Variants in FAM78A observed in about 807,000 individuals in gnomAD.
The protein encoded by FAM78A is protein FAM78A.
A neutral mutation model predicts 22.6 loss-of-function variants in FAM78A; 12 were observed. The observed-to-expected ratio is 0.53, with a 90% CI of 0.34 to 0.86. The LOEUF (loss-of-function observed/expected upper bound fraction) is 0.86, where lower values mean the gene tolerates loss of function less well. Among genes scored for constraint, FAM78A ranks in the 40% least tolerant of loss-of-function variants. The pLI is 0.02. For synonymous variants in FAM78A, 151 were observed against 155.8 expected (o/e 0.97, Z 0.23); for missense variants, 322 against 396.1 (o/e 0.81, Z 1.59).
Position 131,275,236 on chromosome 9 carries a change from A to G in FAM78A, c.323+621T>C, listed in dbSNP as rs2131197161. On this transcript the variant is annotated intron_variant, in intron 1 of 1. Transcript: ENST00000372271. This position sits in a 1 kb window ranked among gnomAD's most constrained non-coding sequence, Gnocchi z 4.6. ...GAGGGACACTGGACTTGTCTGCATA[A>G]AGCGGTCTTCTGCCTTGGAGACAGA... Among the ~76,000 whole-genome samples the G allele has an allele frequency of 6.6e-6, 1 of 152,324 alleles. No homozygotes were observed. The highest frequency in any genetic ancestry group is 2.1e-4 in the South Asian group (1 of 4,820).
chr9:131,270,562 T>C, intron 1 of FAM78A: 1 of 712,682 alleles, frequency 1.4e-6, no homozygotes, highest in East Asian at 2.7e-5. Flanking sequence ...GGCTGGGTCA[T>C]CCCCCCTACT....
chr9:131,258,884 C>G lies in FAM78A; in HGVS notation c.*1938G>C, dbSNP rs1197363601. 1.3e-5 allele frequency: 2 copies of G among 152,390 alleles called. No individual in the cohort carries two copies. The highest frequency in any genetic ancestry group is 2.9e-5 in the Non-Finnish European group (2 of 68,056). The allele number at this position is 152,390 out of a possible 1,614,324, so 9.4% of individuals were successfully genotyped here. ...GGTCCTGGCCCCCATCAGGGGCCCC[C>G]TGAGCACCGTGCCAGCCGGCAGCTC... On this transcript the variant is annotated 3_prime_UTR_variant, in exon 2 of 2. Coordinates refer to ENST00000372271, the MANE Select transcript of FAM78A (RefSeq NM_033387.4).
intron 1 of FAM78A, chr9:131,270,579 C>T (rs1588199796): frequency 1.4e-6 from 1 of 710,904 alleles, no homozygotes; most frequent in Non-Finnish European, 2.6e-6. Context: ...TACTTCCTCC[C>T]ACCCCAAAGC....
At position 131,261,393 on chromosome 9, in the gene FAM78A, G is replaced by A; in HGVS notation, c.324-43C>T. ...CAGTTCACTCACTCGGTCACTCAAG[G>A]AGGGCTTTCTGTGTCCCCCTGGCAG... is the stretch of plus-strand genomic sequence containing the variant. On this transcript the variant is annotated intron_variant, in intron 1 of 1. Coordinates refer to ENST00000372271, the MANE Select transcript of FAM78A (RefSeq NM_033387.4). This position sits in a 1 kb window ranked among gnomAD's most constrained non-coding sequence, Gnocchi z 7.1. 2 of 1,503,534 alleles carry A rather than the reference G, an allele frequency of 1.3e-6. No homozygotes were observed. The highest frequency in any genetic ancestry group is 1.8e-6 in the Non-Finnish European group (2 of 1,134,076). The allele number at this position is 1,503,534 out of a possible 1,614,324, so 93.1% of individuals were successfully genotyped here.
intron 1 of FAM78A, chr9:131,270,173 T>A: frequency 1.6e-6 from 1 of 636,890 alleles, no homozygotes; most frequent in Non-Finnish European, 2.9e-6. Flanking sequence ...GCCACTGCAC[T>A]CCAGCCTGGG....
chr9:131,275,779 C>A lies in FAM78A; in HGVS notation c.323+78G>T. 1 of 1,441,866 alleles carries A rather than the reference C, an allele frequency of 6.9e-7. No individual in the cohort carries two copies. Among genetic ancestry groups the A allele is most frequent in the Non-Finnish European group, 9.3e-7 (1 of 1,072,624 alleles). 89.3% of individuals were successfully genotyped at this position (1,441,866 alleles called of 1,614,324 possible). ...TCTTCATGGTATCTCCACCTTCCCC[C>A]TATCCGCGGCCCCCCACCAGGCCTC... On this transcript the variant is annotated intron_variant, in intron 1 of 1. Coordinates refer to ENST00000372271, the MANE Select transcript of FAM78A (RefSeq NM_033387.4). The surrounding 1 kb of genome is among the most constrained non-coding windows in gnomAD (Gnocchi z 4.6).
chr9:131,263,672 T>C (rs978668542), intron 1 of FAM78A: 2 of 156,456 alleles, frequency 1.3e-5, no homozygotes, highest in African/African-American at 4.8e-5. Context: ...TTTACCATAA[T>C]TTTAAAAATG....
rs765986225 is a variant in FAM78A, at chr9:131,261,252, G to T, written c.422C>A (p.Thr141Asn). ...CTTGGTGGGGCCCACGATGGTGCAG[G>T]TCTCTGTGGTGTTGCCGTACCAGGG... ...NYPWYGNTTETCTIVGPTKRD... is the reference protein window; with the variant it reads ...NYPWYGNTTENCTIVGPTKRD... The change falls in exon 2 of 2, where the codon ACC (threonine) becomes AAC (asparagine). Residue 141 changes from threonine (T) to asparagine (N), a missense_variant. Transcript: ENST00000372271. This position sits in a 1 kb window ranked among gnomAD's most constrained non-coding sequence, Gnocchi z 7.1. 3 of 1,610,652 alleles carry T rather than the reference G, an allele frequency of 1.9e-6. No individual in the cohort carries two copies. Among genetic ancestry groups the T allele is most frequent in the Non-Finnish European group, 2.5e-6 (3 of 1,179,122 alleles).
chr9:131,267,733 A>G (rs962060374), intron 1 of FAM78A, among the ~76,000 whole-genome samples: 3 of 152,186 alleles, frequency 2.0e-5, no homozygotes, highest in African/African-American at 7.2e-5. Flanking sequence ...ACCTTAAGAA[A>G]CACCTTTACA....
upstream of FAM78A, among the ~76,000 whole-genome samples, chr9:131,280,148 G>C (rs554834922): frequency 4.5e-4 from 68 of 152,338 alleles, no homozygotes; most frequent in Non-Finnish European, 7.6e-4. Context: ...GGGCCTGTTT[G>C]CCGGCTTTGA....
Position 131,272,948 on chromosome 9 carries a change from AAAAT to A in FAM78A, c.323+2905_323+2908del, listed in dbSNP as rs777341025. On this transcript the variant is annotated intron_variant, in intron 1 of 1. Coordinates refer to ENST00000372271, the MANE Select transcript of FAM78A (RefSeq NM_033387.4). This position sits in a 1 kb window ranked among gnomAD's most constrained non-coding sequence, Gnocchi z 4.1. ...ACTCTGTCTCAAAAATAAATAAATA[AAAAT>A]AAATAAAAATTAAAAAAAAGATAAC... is the stretch of plus-strand genomic sequence containing the variant. 7.9e-5 allele frequency among the ~76,000 whole-genome samples: 12 copies of A among 152,050 alleles called. No individual in the cohort carries two copies. The highest frequency in any genetic ancestry group is 1.8e-4 in the Non-Finnish European group (12 of 68,016).
chr9:131,263,675 T>TA, intron 1 of FAM78A: 1 of 156,436 alleles, frequency 6.4e-6, no homozygotes, highest in South Asian at 1.6e-4. Flanking sequence ...ACCATAATTT[T>TA]AAAAATGCAT....
At chr9:131,264,759 T>TGTCACTCAGGCTGGAGTGCA in intron 1 of FAM78A, 1 of 609,458 alleles carries the variant, frequency 1.6e-6, no homozygotes, top group South Asian at 2.0e-5. Flanking sequence ...AGTCTCACTC[T>TGTCACTCAGGCTGGAGTGCA]GTCACTCAGG....
rs959310922 is a variant in FAM78A, at chr9:131,259,512, C to T, written c.*1310G>A. On this transcript the variant is annotated 3_prime_UTR_variant, in exon 2 of 2. Coordinates refer to ENST00000372271, the MANE Select transcript of FAM78A (RefSeq NM_033387.4). ...AAGCAGGGGCTCGGCCGACTGCCTC[C>T]CAAGACTTCCCTAGAGCTTGGGTGC... The T allele has an allele frequency of 3.9e-5, 6 of 152,432 alleles. No homozygotes were observed. Among genetic ancestry groups the T allele is most frequent in the Admixed American group, 1.3e-4 (2 of 15,302 alleles). 9.4% of individuals were successfully genotyped at this position (152,432 alleles called of 1,614,324 possible).
At chr9:131,269,612 G>A (rs566440303) in intron 1 of FAM78A, among the ~76,000 whole-genome samples, 55 of 152,190 alleles carry the variant, frequency 3.6e-4, no homozygotes, top group African/African-American at 1.3e-3. Flanking sequence ...GAGTAGCTGG[G>A]ATTAAAGGCA....
Position 131,270,032 on chromosome 9 carries a change from T to TTAAAAA in FAM78A, c.323+5824_323+5825insTTTTTA. On this transcript the variant is annotated intron_variant, in intron 1 of 1. Coordinates refer to ENST00000372271, the MANE Select transcript of FAM78A (RefSeq NM_033387.4). ...CAGCATGGTGAAACCCCATCCCTAC[T>TTAAAAA]AAAATAAAAAAAAAAAAAAAAAAAA... Among the ~76,000 whole-genome samples the TTAAAAA allele has an allele frequency of 5.9e-5, 2 of 34,128 alleles. 1 individual carries two copies. Among genetic ancestry groups the TTAAAAA allele is most frequent in the African/African-American group, 1.9e-4 (2 of 10,752 alleles). The allele number at this position is 34,128 out of a possible 152,430, so 22.4% of individuals were successfully genotyped here. A position where few individuals can be genotyped will look rare whatever the true frequency, so the allele number is the denominator to read the frequency against.
At position 131,260,861 on chromosome 9, in the gene FAM78A, G is replaced by A. The variant is rs9966; in HGVS notation, c.813C>T (p.Tyr271=). The change falls in exon 2 of 2, where the codon TAC becomes TAT. Residue 271 remains tyrosine, a synonymous_variant. Coordinates refer to ENST00000372271, the MANE Select transcript of FAM78A (RefSeq NM_033387.4). This position sits in a 1 kb window ranked among gnomAD's most constrained non-coding sequence, Gnocchi z 5.4. ...GCGGGATCACCACCAGCGGCTGCCC[G>A]TACTTGGGCCGCCACATGAGGACCT... is the stretch of plus-strand genomic sequence containing the variant. ...DAQVLMWRPK[Y]GQPLVVIPPK... 300,111 of 1,528,908 alleles carry A rather than the reference G, an allele frequency of 0.2. 31,974 individuals carry two copies. The highest frequency in any genetic ancestry group is 0.22 in the Non-Finnish European group (253,679 of 1,137,266). The allele number at this position is 1,528,908 out of a possible 1,614,324, so 94.7% of individuals were successfully genotyped here.
rs1374217265 is a variant in FAM78A, at chr9:131,275,717, CAT to C, written c.323+138_323+139del. On this transcript the variant is annotated intron_variant, in intron 1 of 1. Coordinates refer to ENST00000372271, the MANE Select transcript of FAM78A (RefSeq NM_033387.4). The surrounding 1 kb of genome is among the most constrained non-coding windows in gnomAD (Gnocchi z 4.6). ...GCCACCGGGCCAATGAGGCCACCTG[CAT>C]ACCTGCCTAAAGCTTCCCTCTGGCC... is the stretch of plus-strand genomic sequence containing the variant. 1.9e-5 allele frequency: 17 copies of C among 917,190 alleles called. No homozygotes were observed. The highest frequency in any genetic ancestry group is 3.5e-4 in the Middle Eastern group (1 of 2,884). The allele number at this position is 917,190 out of a possible 1,614,324, so 56.8% of individuals were successfully genotyped here.
At position 131,259,008 on chromosome 9, in the gene FAM78A, A is replaced by G. The variant is rs1410757188; in HGVS notation, c.*1814T>C. 1 of 152,658 alleles carries G rather than the reference A, an allele frequency of 6.6e-6. No individual in the cohort carries two copies. The highest frequency in any genetic ancestry group is 1.5e-5 in the Non-Finnish European group (1 of 68,036). The allele number at this position is 152,658 out of a possible 1,614,324, so 9.5% of individuals were successfully genotyped here. On this transcript the variant is annotated 3_prime_UTR_variant, in exon 2 of 2. Coordinates refer to ENST00000372271, the MANE Select transcript of FAM78A (RefSeq NM_033387.4). The stretch of plus-strand genomic sequence containing the variant: ...ATTAAGCACCCCTTGAATAAACGCA[A>G]TAGCCCGTGGACAAAGGAGCAGGGC...
Sources: allele counts gnomAD v4.1 joint callset (sites outside exome capture counted in the v4.1 genomes callset), GRCh38; gene constraint gnomAD v4.1.1; non-coding constraint Gnocchi (gnomAD v3.1); transcripts MANE v1.5; gene names NCBI Gene and HGNC (gene_info 2026-07-23, HGNC 2026-07-21).